SYNPR: variants seen among roughly 807,000 people sequenced by gnomAD.
SYNPR encodes the protein synaptoporin.
SYNPR carries 23 observed loss-of-function variants against 32.9 expected under a neutral mutation model. The ratio of observed to expected loss-of-function variants is 0.70; its 90% CI spans 0.50 to 0.99. The LOEUF (loss-of-function observed/expected upper bound fraction) is 0.99. SYNPR is among the 50% of genes least tolerant of loss of function. The probability of loss-of-function intolerance (pLI) is 0.00; values close to 1 mark genes in which losing one functional copy is unlikely to be tolerated. For synonymous variants in SYNPR, 146 were observed against 135.9 expected (o/e 1.07, Z -0.52); for missense variants, 318 against 349.3 (o/e 0.91, Z 0.71).
At chr3:63,297,273 A>T (rs1468575338) in intron 2 of SYNPR, among the ~76,000 whole-genome samples, 1 of 152,204 alleles carries the variant, frequency 6.6e-6, no homozygotes, top group Non-Finnish European at 1.5e-5. Flanking sequence ...AACTTCTAGA[A>T]ATTTATAAGA....
chr3:63,544,063 C>T (rs961010992), intron 3 of SYNPR, among the ~76,000 whole-genome samples: 1 of 151,942 alleles, frequency 6.6e-6, no homozygotes, highest in African/African-American at 2.4e-5. Flanking sequence ...AAGAGGAAAC[C>T]GTTGGAGAAG....
At chr3:63,353,950 G>A (rs1210790975) in intron 2 of SYNPR, among the ~76,000 whole-genome samples, 1 of 152,154 alleles carries the variant, frequency 6.6e-6, no homozygotes, top group Non-Finnish European at 1.5e-5. Flanking sequence ...TTCCTTAGGA[G>A]GCTGTATGTA....
chr3:63,307,859 C>T (rs1308300552), intron 2 of SYNPR, among the ~76,000 whole-genome samples: 3 of 151,976 alleles, frequency 2.0e-5, no homozygotes, highest in Non-Finnish European at 2.9e-5. Flanking sequence ...CATGGACTCT[C>T]GTCTAATTGC....
intron 2 of SYNPR, among the ~76,000 whole-genome samples, chr3:63,396,961 AGGCGTGG>A (rs1234194013): frequency 1.3e-5 from 2 of 152,064 alleles, no homozygotes; most frequent in African/African-American, 4.8e-5. Context: ...AATATTAGCC[AGGCGTGG>A]TGGCAGGCAC....
intron 2 of SYNPR, among the ~76,000 whole-genome samples, chr3:63,324,402 C>T (rs2087142308): frequency 6.6e-6 from 1 of 152,054 alleles, no homozygotes; most frequent in Admixed American, 6.5e-5. Flanking sequence ...TATCCTGTAG[C>T]CAACGGGGAA....
intron 4 of SYNPR, among the ~76,000 whole-genome samples, chr3:63,597,663 C>T (rs1440604110): frequency 6.6e-6 from 1 of 152,124 alleles, no homozygotes; most frequent in Non-Finnish European, 1.5e-5. Flanking sequence ...ACAGGGAACC[C>T]AATGTCCTCA....
chr3:63,479,968 G>C lies in SYNPR; in HGVS notation c.85-864G>C, dbSNP rs527362207. 7.2e-5 allele frequency among the ~76,000 whole-genome samples: 11 copies of C among 152,314 alleles called. No homozygotes were observed. In the South Asian group the frequency reaches 1.5e-3, roughly 20 times the overall value. ...TAAATTGGAATACTGCAGCATGTTA[G>C]TGTTAGGTGCATTTGATCGACTTCC... is the stretch of plus-strand genomic sequence containing the variant. On this transcript the variant is annotated intron_variant, in intron 2 of 5. Coordinates refer to ENST00000478300, the MANE Select transcript of SYNPR (RefSeq NM_001130003.2).
At position 63,598,663 on chromosome 3, in the gene SYNPR, C is replaced by A. The variant is rs1699995795; in HGVS notation, c.409-10462C>A. ...CATCTGTAGTATAAGGCCAGTGATGCCTCCTCTGACTATTTTTGGGGTTTT... is the reference window on the plus strand; with the variant it reads ...CATCTGTAGTATAAGGCCAGTGATGACTCCTCTGACTATTTTTGGGGTTTT... On this transcript the variant is annotated intron_variant, in intron 4 of 5. Transcript: ENST00000478300. Among the ~76,000 whole-genome samples the A allele has an allele frequency of 2.0e-5, 3 of 152,074 alleles. No individual in the cohort carries two copies. The South Asian group carries it at 6.2e-4, about 32-fold the overall frequency.
At chr3:63,479,446 G>GCGTGCGCACACACACACA (rs6147854) in intron 2 of SYNPR, among the ~76,000 whole-genome samples, 1 of 135,742 alleles carries the variant, frequency 7.4e-6, no homozygotes, top group Non-Finnish European at 1.6e-5. Flanking sequence ...CCACACACAT[G>GCGTGCGCACACACACACA]CACACACACA....
intron 2 of SYNPR, among the ~76,000 whole-genome samples, chr3:63,281,615 CTT>C (rs1220281622): frequency 6.6e-6 from 1 of 152,074 alleles, no homozygotes; most frequent in Non-Finnish European, 1.5e-5. Context: ...TCGTCTGTCC[CTT>C]ATAAGAACAC....
chr3:63,518,144 C>T (rs1701834830), intron 3 of SYNPR, among the ~76,000 whole-genome samples: 1 of 152,134 alleles, frequency 6.6e-6, no homozygotes, highest in Non-Finnish European at 1.5e-5. Flanking sequence ...GTAACTCAAA[C>T]AATCACCTAC....
chr3:63,521,659 A>G (rs1046919904), intron 3 of SYNPR, among the ~76,000 whole-genome samples: 2 of 152,190 alleles, frequency 1.3e-5, no homozygotes, highest in Non-Finnish European at 2.9e-5. Flanking sequence ...AATACTCTGG[A>G]GGCAATATGC....
chr3:63,328,016 A>T (rs1015900654), intron 2 of SYNPR, among the ~76,000 whole-genome samples: 3 of 152,232 alleles, frequency 2.0e-5, no homozygotes, highest in African/African-American at 7.2e-5. Context: ...TTAATTGGGC[A>T]TAAATTGCAA....
intron 2 of SYNPR, among the ~76,000 whole-genome samples, chr3:63,255,048 C>T (rs568298312): frequency 6.6e-6 from 1 of 152,264 alleles, no homozygotes; most frequent in South Asian, 2.1e-4. Flanking sequence ...TGTTCAAGAT[C>T]ACCAGTCCAT....
intron 5 of SYNPR, among the ~76,000 whole-genome samples, chr3:63,611,765 C>T (rs892149609): frequency 2.6e-5 from 4 of 152,184 alleles, no homozygotes; most frequent in Admixed American, 6.5e-5. Flanking sequence ...GACTGAACGG[C>T]TTGGACTGAA....
intron 2 of SYNPR, among the ~76,000 whole-genome samples, chr3:63,411,592 G>C (rs550260304): frequency 1.2e-4 from 18 of 152,266 alleles, no homozygotes; most frequent in Non-Finnish European, 2.4e-4. Flanking sequence ...TTTTACAGTT[G>C]AGATTTGAAG....
chr3:63,230,068 TTTTAATG>T (rs2086155897), intron 1 of SYNPR, among the ~76,000 whole-genome samples: 1 of 152,196 alleles, frequency 6.6e-6, no homozygotes, highest in Admixed American at 6.5e-5. Context: ...TGAGTAGAAA[TTTTAATG>T]TTTTTCTTTC....
At chr3:63,533,490 A>T (rs755778138) in intron 3 of SYNPR, among the ~76,000 whole-genome samples, 1 of 152,206 alleles carries the variant, frequency 6.6e-6, no homozygotes, top group Non-Finnish European at 1.5e-5. Context: ...GGATAGAGAT[A>T]GGTTTTGTAT....
chr3:63,570,667 C>T (rs577057263), intron 4 of SYNPR, among the ~76,000 whole-genome samples: 18 of 152,266 alleles, frequency 1.2e-4, no homozygotes, highest in South Asian at 1.0e-3. Flanking sequence ...TCCTTATCCC[C>T]AAAGATATGT....
Sources: gnomAD v4.1 joint callset for allele counts (sites outside exome capture counted in the v4.1 genomes callset) on GRCh38, gnomAD v4.1.1 for gene constraint, MANE v1.5 for transcripts, NCBI Gene and HGNC (gene_info 2026-07-23, HGNC 2026-07-21) for gene names.